The following DENND4C variants were observed in gnomAD, a reference collection of about 807,000 sequenced individuals.
DENND4C encodes the protein DENN domain containing 4C.
A neutral mutation model predicts 203.0 loss-of-function variants in DENND4C; 108 were observed. That is an observed-to-expected ratio of 0.53 (90% CI 0.46 to 0.62). DENND4C has a LOEUF of 0.62. DENND4C is among the 20% of genes least tolerant of loss of function. DENND4C has a pLI of 0.00. For synonymous variants in DENND4C, 871 were observed against 792.4 expected, an observed-to-expected ratio of 1.10 and a Z score of -1.67; for missense variants, 2,481 against 2,301.2, an observed-to-expected ratio of 1.08 and a Z score of -1.60.
At chr9:19,303,910 A>G (rs1839109061) in intron 9 of DENND4C, among the ~76,000 whole-genome samples, 1 of 151,358 alleles carries the variant, frequency 6.6e-6, no homozygotes, top group Non-Finnish European at 1.5e-5. Flanking sequence ...TGAGGGTCTC[A>G]CTCTGTTGTC....
intron 10 of DENND4C, among the ~76,000 whole-genome samples, chr9:19,309,482 A>G (rs546379914): frequency 3.9e-5 from 6 of 152,190 alleles, no homozygotes; most frequent in African/African-American, 1.4e-4. Flanking sequence ...TATGATAAAA[A>G]CCATTGAATT....
Position 19,316,851 on chromosome 9 carries a change from T to A in DENND4C, c.1807+12T>A, listed in dbSNP as rs775295889. 1.3e-6 allele frequency: 2 copies of A among 1,597,042 alleles called. No homozygotes were observed. Among genetic ancestry groups the A allele is most frequent in the Non-Finnish European group, 1.7e-6 (2 of 1,172,624 alleles). On this transcript the variant is annotated intron_variant, in intron 12 of 32. Coordinates refer to ENST00000434457, the MANE Select transcript of DENND4C (RefSeq NM_001330640.2). ...GTTTGACCGACAGGGTGAGTAGCAT[T>A]GAAAGTACAATTCCTTTTATTGAGG...
chr9:19,237,325 T>G (rs1213444087), intron 1 of DENND4C, among the ~76,000 whole-genome samples: 2 of 151,856 alleles, frequency 1.3e-5, no homozygotes, highest in East Asian at 1.9e-4. Context: ...GGCCGACAGC[T>G]TTTAGATTCA....
chr9:19,239,155 T>C (rs1823051019), intron 1 of DENND4C, among the ~76,000 whole-genome samples: 1 of 152,256 alleles, frequency 6.6e-6, no homozygotes, highest in South Asian at 2.1e-4. Flanking sequence ...TTTAGTCTGC[T>C]TTTTTTCCCC....
intron 6 of DENND4C, 124 bp from the exon 7 acceptor site, chr9:19,297,932 C>G: frequency 1.4e-6 from 1 of 706,410 alleles, no homozygotes; most frequent in Non-Finnish European, 2.2e-6. Context: ...CTTACTTAGC[C>G]TACATTTTAG....
intron 5 of DENND4C, among the ~76,000 whole-genome samples, chr9:19,292,879 C>T (rs570283119): frequency 3.3e-5 from 5 of 152,086 alleles, no homozygotes; most frequent in South Asian, 4.1e-4. Context: ...ATTTAATAGG[C>T]GATTTTATTG....
intron 26 of DENND4C, among the ~76,000 whole-genome samples, chr9:19,356,401 A>G (rs1214480772): frequency 6.6e-6 from 1 of 152,152 alleles, no homozygotes; most frequent in Non-Finnish European, 1.5e-5. Flanking sequence ...AAACATTACC[A>G]TTACCTCAGA....
intron 7 of DENND4C, among the ~76,000 whole-genome samples, chr9:19,298,634 T>G (rs1457749043): frequency 7.2e-5 from 11 of 152,168 alleles, no homozygotes; most frequent in African/African-American, 2.7e-4. Context: ...ATCACATGCT[T>G]GGATATAGGA....
Position 19,350,632 on chromosome 9 carries a change from G to A in DENND4C, c.4318-70G>A, listed in dbSNP as rs1205591257. The A allele has an allele frequency of 3.2e-5, 42 of 1,320,430 alleles. No homozygotes were observed. The East Asian group carries it at 9.8e-4, about 31-fold the overall frequency. The allele number at this position is 1,320,430 out of a possible 1,614,324, so 81.8% of individuals were successfully genotyped here. A position where few individuals can be genotyped will look rare whatever the true frequency, so the allele number is the denominator to read the frequency against. On this transcript the variant is annotated intron_variant, in intron 23 of 32. Coordinates refer to ENST00000434457, the MANE Select transcript of DENND4C (RefSeq NM_001330640.2). ...ATTATAGAGTTTAATTTTGAAAAGG[G>A]TAGAGTGGGTATAATCCCACTGGAG...
chr9:19,353,958 A>T (rs1391098421), intron 26 of DENND4C, among the ~76,000 whole-genome samples: 1 of 152,136 alleles, frequency 6.6e-6, no homozygotes. Context: ...GAGCTAAGTC[A>T]AATCATACTC....
intron 1 of DENND4C, among the ~76,000 whole-genome samples, chr9:19,261,933 T>C (rs984413693): frequency 6.6e-6 from 1 of 152,074 alleles, no homozygotes; most frequent in African/African-American, 2.4e-5. Flanking sequence ...TTAAGTACTT[T>C]ATTTTATTTG....
At chr9:19,298,828 A>C (rs1250755735) in intron 7 of DENND4C, among the ~76,000 whole-genome samples, 1 of 152,186 alleles carries the variant, frequency 6.6e-6, no homozygotes, top group Non-Finnish European at 1.5e-5. Context: ...GGTGGGATTA[A>C]GTCAGATATT....
At chr9:19,339,504 A>G (rs1004173477) in intron 20 of DENND4C, among the ~76,000 whole-genome samples, 1 of 152,156 alleles carries the variant, frequency 6.6e-6, no homozygotes, top group African/African-American at 2.4e-5. Flanking sequence ...TGCTACGTAA[A>G]TGATGTTGAC....
intron 9 of DENND4C, among the ~76,000 whole-genome samples, chr9:19,303,899 A>G (rs1839105054): frequency 6.6e-6 from 1 of 150,502 alleles, no homozygotes; most frequent in Non-Finnish European, 1.5e-5. Context: ...TTTTGTGGAG[A>G]TGAGGGTCTC....
At chr9:19,270,095 T>G (rs947209186) in intron 1 of DENND4C, among the ~76,000 whole-genome samples, 1 of 152,146 alleles carries the variant, frequency 6.6e-6, no homozygotes, top group Non-Finnish European at 1.5e-5. Flanking sequence ...TTGTTCTCTT[T>G]CCTTATTTTC....
chr9:19,253,277 T>C (rs1827099304), intron 1 of DENND4C, among the ~76,000 whole-genome samples: 1 of 152,216 alleles, frequency 6.6e-6, no homozygotes, highest in African/African-American at 2.4e-5. Flanking sequence ...TTCCTAGTAG[T>C]AGTGGCAGCC....
At chr9:19,239,919 A>G (rs921136783) in intron 1 of DENND4C, among the ~76,000 whole-genome samples, 3 of 152,150 alleles carry the variant, frequency 2.0e-5, no homozygotes, top group Non-Finnish European at 4.4e-5. Flanking sequence ...ATAAATAACA[A>G]TTATGTCAAG....
At chr9:19,230,617 G>C (rs1329926826), upstream of DENND4C, 2 of 152,152 alleles carry the variant, frequency 1.3e-5, no homozygotes, top group Non-Finnish European at 2.9e-5. Flanking sequence ...CACCCGCGCG[G>C]GCCAGCGCTC....
At chr9:19,314,776 C>G (rs1841458810) in intron 10 of DENND4C, among the ~76,000 whole-genome samples, 1 of 152,184 alleles carries the variant, frequency 6.6e-6, no homozygotes, top group African/African-American at 2.4e-5. Flanking sequence ...GCTGGAATCT[C>G]TGCCCTTTTC....
Sources: gnomAD v4.1 joint callset for allele counts (sites outside exome capture counted in the v4.1 genomes callset) on GRCh38, gnomAD v4.1.1 for gene constraint, MANE v1.5 for transcripts, NCBI Gene and HGNC (gene_info 2026-07-23, HGNC 2026-07-21) for gene names.